Variants in TDRD12 observed in about 807,000 individuals in gnomAD.
TDRD12 encodes tudor domain containing 12.
A neutral mutation model predicts 133.5 loss-of-function variants in TDRD12; 158 were observed. The observed-to-expected ratio is 1.18, with a 90% CI of 1.04 to 1.35. The LOEUF is 1.35. Among genes scored for constraint, TDRD12 ranks in the 40% most tolerant of loss-of-function variants. The probability of loss-of-function intolerance (pLI) is 0.00; values close to 1 mark genes in which losing one functional copy is unlikely to be tolerated. For synonymous variants in TDRD12, 460 were observed against 477.9 expected, an observed-to-expected ratio of 0.96 and a Z score of 0.49; for missense variants, 1,443 against 1,321.3, an observed-to-expected ratio of 1.09 and a Z score of -1.43.
intron 6 of TDRD12, among the ~76,000 whole-genome samples, chr19:32,753,670 ATTTTTT>A (rs61178379): frequency 1.5e-5 from 2 of 130,482 alleles, no homozygotes; most frequent in African/African-American, 5.9e-5. Flanking sequence ...CACCTGGCTA[ATTTTTT>A]TTTTTTTTTT....
intron 6 of TDRD12, among the ~76,000 whole-genome samples, chr19:32,752,993 T>C (rs145422758): frequency 6.6e-4 from 101 of 151,932 alleles, no homozygotes; most frequent in African/African-American, 2.3e-3. Flanking sequence ...GGGGTTTCAC[T>C]GTGCTAGCCA....
intron 14 of TDRD12, among the ~76,000 whole-genome samples, chr19:32,795,382 G>A (rs1430079266): frequency 4.6e-5 from 7 of 151,688 alleles, no homozygotes; most frequent in African/African-American, 4.8e-5. Flanking sequence ...GATATCGAGT[G>A]TGTAAAATGC....
At chr19:32,817,768 C>T (rs768966246) in intron 26 of TDRD12, among the ~76,000 whole-genome samples, 18 of 151,208 alleles carry the variant, frequency 1.2e-4, no homozygotes, top group African/African-American at 4.4e-4. Context: ...TGACCCCGCC[C>T]GAGGTGCAAA....
chr19:32,755,745 T>C (rs968602525), intron 6 of TDRD12, among the ~76,000 whole-genome samples: 3 of 152,232 alleles, frequency 2.0e-5, no homozygotes, highest in East Asian at 1.9e-4. Flanking sequence ...GTAGTTTTAG[T>C]GCTACAGTGC....
intron 8 of TDRD12, among the ~76,000 whole-genome samples, chr19:32,764,240 A>G (rs548071229): frequency 6.6e-6 from 1 of 150,872 alleles, no homozygotes; most frequent in Admixed American, 6.6e-5. Flanking sequence ...CCTCCTGAGC[A>G]GCTGGGACTA....
intron 11 of TDRD12, among the ~76,000 whole-genome samples, chr19:32,788,720 G>A (rs956105426): frequency 3.9e-5 from 6 of 152,148 alleles, no homozygotes; most frequent in African/African-American, 1.2e-4. Context: ...TTGTCTGCCT[G>A]TATTTCAACG....
chr19:32,723,171 A>T (rs1005499322), intron 1 of TDRD12, among the ~76,000 whole-genome samples: 5 of 152,100 alleles, frequency 3.3e-5, no homozygotes, highest in Non-Finnish European at 5.9e-5. Context: ...AAATCAATTG[A>T]CTATATGTGT....
chr19:32,754,669 CTTTTTTTTT>C (rs35714049), intron 6 of TDRD12, among the ~76,000 whole-genome samples: 3 of 70,072 alleles, frequency 4.3e-5, no homozygotes, highest in South Asian at 6.1e-4. Context: ...ATGACTCTAT[CTTTTTTTTT>C]TTTTTTTTTT....
chr19:32,779,363 G>A (rs569799101), intron 11 of TDRD12, among the ~76,000 whole-genome samples: 151 of 152,194 alleles, frequency 9.9e-4, no homozygotes, highest in African/African-American at 2.6e-3. Flanking sequence ...ACCAGTAAGC[G>A]GTTGTATTTC....
intron 22 of TDRD12, among the ~76,000 whole-genome samples, chr19:32,809,484 T>C (rs1473783185): frequency 6.6e-6 from 1 of 152,224 alleles, no homozygotes; most frequent in Non-Finnish European, 1.5e-5. Context: ...TTCTCACTCC[T>C]GGCATCTGCT....
At chr19:32,801,574 A>G (rs891497945) in intron 18 of TDRD12, among the ~76,000 whole-genome samples, 182 bp from the exon 19 acceptor site, 2 of 152,246 alleles carry the variant, frequency 1.3e-5, no homozygotes, top group African/African-American at 4.8e-5. Context: ...TTAGACATAA[A>G]CAACCGAATT....
intron 8 of TDRD12, among the ~76,000 whole-genome samples, chr19:32,769,882 C>T (rs913693051): frequency 2.0e-4 from 30 of 152,136 alleles, no homozygotes; most frequent in Non-Finnish European, 4.0e-4. Context: ...GTGATCCACC[C>T]GCCTCAGCCT....
At chr19:32,801,999 G>T (rs555399851) in intron 19 of TDRD12, 126 bp downstream of exon 19, 114 of 431,840 alleles carry the variant, frequency 2.6e-4, no homozygotes, top group Admixed American at 2.6e-4. Flanking sequence ...GACTTTATTA[G>T]CAATGTTAAT....
chr19:32,762,888 A>G (rs1174190226), intron 8 of TDRD12, among the ~76,000 whole-genome samples: 13 of 152,232 alleles, frequency 8.5e-5, no homozygotes, highest in Non-Finnish European at 1.9e-4. Flanking sequence ...AGCCTACTAC[A>G]CATATAGGCA....
At chr19:32,812,423 TACAA>T (rs1967039773) in intron 24 of TDRD12, among the ~76,000 whole-genome samples, 1 of 152,222 alleles carries the variant, frequency 6.6e-6, no homozygotes, top group Admixed American at 6.5e-5. Flanking sequence ...ATTGGTAAAG[TACAA>T]ACAGTTTGGG....
chr19:32,751,391 C>A lies in TDRD12; in HGVS notation c.582+1522C>A, dbSNP rs148184352. 9.9e-4 allele frequency among the ~76,000 whole-genome samples: 151 copies of A among 152,158 alleles called. 1 individual carries two copies. The highest frequency in any genetic ancestry group is 3.4e-3 in the African/African-American group (140 of 41,494). On this transcript the variant is annotated intron_variant, in intron 6 of 27. Transcript: ENST00000444215. ...TGGTGTTTGCCAGGTTTTTCCTGTA[C>A]AGAGATGTTAGTTTTTCCTTCTGAA...
chr19:32,763,583 C>T (rs1429986430), intron 8 of TDRD12, among the ~76,000 whole-genome samples: 2 of 152,130 alleles, frequency 1.3e-5, no homozygotes, highest in African/African-American at 4.8e-5. Flanking sequence ...AGGAACAGCA[C>T]GCCCTTTATA....
At chr19:32,791,395 G>T (rs1037672298) in intron 13 of TDRD12, among the ~76,000 whole-genome samples, 12 of 152,018 alleles carry the variant, frequency 7.9e-5, no homozygotes, top group African/African-American at 2.9e-4. Flanking sequence ...CAATTGTAAT[G>T]CACTCCCCGA....
chr19:32,733,093 G>A (rs750658804), intron 2 of TDRD12, among the ~76,000 whole-genome samples: 7 of 152,172 alleles, frequency 4.6e-5, no homozygotes, highest in African/African-American at 9.7e-5. Context: ...GATCACTTGA[G>A]CCTGGGAGGT....
Sources: gnomAD v4.1 joint callset for allele counts (sites outside exome capture counted in the v4.1 genomes callset) on GRCh38, gnomAD v4.1.1 for gene constraint, MANE v1.5 for transcripts, NCBI Gene and HGNC (gene_info 2026-07-23, HGNC 2026-07-21) for gene names.